Variants in SNRPB2 observed in about 807,000 individuals in gnomAD.
SNRPB2 encodes the protein U2 small nuclear ribonucleoprotein B''.
A neutral mutation model predicts 26.3 loss-of-function variants in SNRPB2; 16 were observed. That is an observed-to-expected ratio of 0.61 (90% CI 0.41 to 0.92). The LOEUF (loss-of-function observed/expected upper bound fraction) is 0.92. SNRPB2 is among the 40% of genes least tolerant of loss of function. The pLI, the probability that SNRPB2 is intolerant of heterozygous loss-of-function variation, is 0.00. For synonymous variants in SNRPB2, 75 were observed against 89.0 expected (o/e 0.84, Z 0.88); for missense variants, 179 against 268.1 (o/e 0.67, Z 2.32).
At chr20:16,734,954 G>A (rs183804708) in intron 3 of SNRPB2, among the ~76,000 whole-genome samples, 2 of 152,192 alleles carry the variant, frequency 1.3e-5, no homozygotes, top group Non-Finnish European at 2.9e-5. Flanking sequence ...TCAGAAGTTA[G>A]TCTAACCCTT....
chr20:16,735,404 A>G (rs1037965913), intron 3 of SNRPB2, among the ~76,000 whole-genome samples: 2 of 151,202 alleles, frequency 1.3e-5, no homozygotes, highest in Non-Finnish European at 2.9e-5. Flanking sequence ...TTTGCTTGAA[A>G]TGGAGGTTGG....
Position 16,741,410 on chromosome 20 carries a change from T to G in SNRPB2, c.*405T>G, listed in dbSNP as rs1181750206. The G allele has an allele frequency of 6.5e-6, 1 of 153,320 alleles. No homozygotes were observed. Among genetic ancestry groups the G allele is most frequent in the African/African-American group, 2.4e-5 (1 of 41,486 alleles). 9.5% of individuals were successfully genotyped at this position (153,320 alleles called of 1,614,324 possible). On this transcript the variant is annotated 3_prime_UTR_variant, in exon 7 of 7. Coordinates refer to ENST00000246071, the MANE Select transcript of SNRPB2 (RefSeq NM_003092.5). ...TAGATCACAGAAGCTAGTAGATGAC[T>G]GTTGTATTAATGGTAACAATGATTG...
intron 3 of SNRPB2, 178 bp downstream of exon 3, chr20:16,732,514 A>G (rs990470371): frequency 4.5e-6 from 2 of 441,768 alleles, no homozygotes; most frequent in African/African-American, 2.0e-5. Context: ...GACAGTTCAG[A>G]TGGGCAAAAA....
At chr20:16,734,052 C>T (rs1335917770) in intron 3 of SNRPB2, among the ~76,000 whole-genome samples, 1 of 152,118 alleles carries the variant, frequency 6.6e-6, no homozygotes, top group Non-Finnish European at 1.5e-5. Flanking sequence ...ACAGTTTCTT[C>T]CCATAGAGGG....
In SNRPB2 at chr20:16,730,145, G is replaced by T. The variant is rs183890425; in HGVS notation, c.-55G>T. The T allele has an allele frequency of 1.3e-5, 2 of 152,582 alleles. No individual in the cohort carries two copies. The highest frequency in any genetic ancestry group is 4.8e-5 in the African/African-American group (2 of 41,406). 9.5% of individuals were successfully genotyped at this position (152,582 alleles called of 1,614,324 possible). ...TTTCTCCCCTGTTGCAGCTGGGAGCGGACGAAGCGCGAAGCTGGGGTGGGT... is the reference window on the plus strand; with the variant it reads ...TTTCTCCCCTGTTGCAGCTGGGAGCTGACGAAGCGCGAAGCTGGGGTGGGT... On this transcript the variant is annotated 5_prime_UTR_variant, in exon 1 of 7. Coordinates refer to ENST00000246071, the MANE Select transcript of SNRPB2 (RefSeq NM_003092.5).
chr20:16,740,307 C>T lies in SNRPB2; in HGVS notation c.430-18C>T. 6.2e-7 allele frequency: 1 copy of T among 1,607,914 alleles called. No individual in the cohort carries two copies. The highest frequency in any genetic ancestry group is 2.2e-5 in the East Asian group (1 of 44,736). ...GTTTAAACTTACAAGCTAACTTTGC[C>T]TTTTTACTTTTTAATAGGTCCCTGA... On this transcript the variant is annotated intron_variant, in intron 5 of 6. Coordinates refer to ENST00000246071, the MANE Select transcript of SNRPB2 (RefSeq NM_003092.5).
chr20:16,737,088 T>TTA (rs2072430951), intron 3 of SNRPB2, among the ~76,000 whole-genome samples, 173 bp from the exon 4 acceptor site: 1 of 152,238 alleles, frequency 6.6e-6, no homozygotes, highest in African/African-American at 2.4e-5. Context: ...AAATTATGAA[T>TTA]TATAGCCCAC....
At chr20:16,736,030 GT>G (rs568421271) in intron 3 of SNRPB2, among the ~76,000 whole-genome samples, 4 of 152,106 alleles carry the variant, frequency 2.6e-5, no homozygotes, top group Non-Finnish European at 5.9e-5. Flanking sequence ...GTGTGTGTCT[GT>G]TTTTTTAAAC....
chr20:16,741,221 TA>T lies in SNRPB2; in HGVS notation c.*217del, dbSNP rs2072460570. On this transcript the variant is annotated 3_prime_UTR_variant, in exon 7 of 7. Transcript: ENST00000246071. Reference sequence around the variant, plus strand: ...TAAACTTTTATTTGTATTCTGTGTATATAATGCTTTCTTGATTGACCCATCT... The same window carrying T: ...TAAACTTTTATTTGTATTCTGTGTATTAATGCTTTCTTGATTGACCCATCT... 9.7e-6 allele frequency: 4 copies of T among 411,824 alleles called. No homozygotes were observed. In the East Asian group the frequency reaches 1.5e-4, roughly 16 times the overall value. The allele number at this position is 411,824 out of a possible 1,614,324, so 25.5% of individuals were successfully genotyped here. A position where few individuals can be genotyped will look rare whatever the true frequency, so the allele number is the denominator to read the frequency against.
At chr20:16,731,846 C>T in intron 2 of SNRPB2, 80 bp downstream of exon 2, 1 of 1,577,254 alleles carries the variant, frequency 6.3e-7, no homozygotes, top group East Asian at 2.2e-5. Flanking sequence ...TGCCTCAAAA[C>T]CTCTTACCTC....
chr20:16,739,557 T>G (rs2072449847), intron 5 of SNRPB2, among the ~76,000 whole-genome samples: 1 of 152,192 alleles, frequency 6.6e-6, no homozygotes, highest in Non-Finnish European at 1.5e-5. Context: ...CCTCTTGTTT[T>G]AAGTTACTTG....
Position 16,732,214 on chromosome 20 carries a change from G to A in SNRPB2, c.115G>A (p.Asp39Asn), listed in dbSNP as rs2072396907. The A allele has an allele frequency of 1.2e-6, 2 of 1,605,044 alleles. No individual in the cohort carries two copies. Among genetic ancestry groups the A allele is most frequent in the African/African-American group, 1.3e-5 (1 of 74,584 alleles). ...GTTTTCTCAGTTTGGTCATGTGGTG[G>A]ACATTGTGGCTTTAAAGACCATGAA... ...ALFSQFGHVVDIVALKTMKMR... is the reference protein window; with the variant it reads ...ALFSQFGHVVNIVALKTMKMR... The change falls in exon 3 of 7, where the codon GAC becomes AAC. Residue 39 changes from aspartate to asparagine, a missense_variant. Around this residue, in one of 2 missense-constraint regions of SNRPB2, gnomAD observed 145 missense variants for 180.7 expected, o/e 0.80. Transcript: ENST00000246071.
chr20:16,737,638 C>T (rs371155028), intron 4 of SNRPB2, among the ~76,000 whole-genome samples: 62 of 152,244 alleles, frequency 4.1e-4, no homozygotes, highest in African/African-American at 1.4e-3. Context: ...GCATTTAATT[C>T]GATCATTGTT....
chr20:16,736,661 T>C (rs771126485), intron 3 of SNRPB2, among the ~76,000 whole-genome samples: 1 of 152,150 alleles, frequency 6.6e-6, no homozygotes, highest in Admixed American at 6.5e-5. Flanking sequence ...TTTTCTTTAT[T>C]TTTCACCAGC....
At chr20:16,731,807 T>C in intron 2 of SNRPB2, 41 bp downstream of exon 2, 1 of 1,608,598 alleles carries the variant, frequency 6.2e-7, no homozygotes, top group Middle Eastern at 1.7e-4. Flanking sequence ...CTAAAATGTG[T>C]TTATTTACTA....
chr20:16,734,648 G>C (rs2072413617), intron 3 of SNRPB2, among the ~76,000 whole-genome samples: 1 of 152,160 alleles, frequency 6.6e-6, no homozygotes, highest in South Asian at 2.1e-4. Flanking sequence ...GTTGCAGGGG[G>C]CTGTCTTGTT....
At chr20:16,740,046 G>A (rs555755751) in intron 5 of SNRPB2, among the ~76,000 whole-genome samples, 6 of 151,780 alleles carry the variant, frequency 4.0e-5, no homozygotes, top group African/African-American at 1.5e-4. Context: ...CTTTGATTAT[G>A]TTATCCAGGT....
chr20:16,730,651 T>A (rs1417522036), intron 1 of SNRPB2: 1 of 152,282 alleles, frequency 6.6e-6, no homozygotes, highest in Non-Finnish European at 1.5e-5. Flanking sequence ...GTGCAGCCCC[T>A]GCTTGTAGGC....
intron 4 of SNRPB2, among the ~76,000 whole-genome samples, chr20:16,738,127 T>G (rs1415218966): frequency 1.1e-4 from 17 of 151,042 alleles, no homozygotes; most frequent in Admixed American, 9.2e-4. Flanking sequence ...AAAATATAAT[T>G]TGAAATACCA....
Sources: gnomAD v4.1 joint callset for allele counts (sites outside exome capture counted in the v4.1 genomes callset) on GRCh38, gnomAD v4.1.1 for gene constraint, gnomAD v4.1.1 regional missense constraint, MANE v1.5 for transcripts, NCBI Gene and HGNC (gene_info 2026-07-23, HGNC 2026-07-21) for gene names.